RGS6: variants seen among roughly 807,000 people sequenced by gnomAD.
RGS6 encodes regulator of G-protein signaling 6.
A neutral mutation model predicts 78.5 loss-of-function variants in RGS6; 30 were observed. The observed-to-expected ratio is 0.38, with a 90% CI of 0.29 to 0.52. The LOEUF (loss-of-function observed/expected upper bound fraction) is 0.52, where lower values mean the gene tolerates loss of function less well. Ranked by LOEUF, RGS6 falls within the 20% of genes least tolerant of loss-of-function variation. The pLI is 0.85. For synonymous variants in RGS6, 206 were observed against 206.0 expected, an observed-to-expected ratio of 1.00 and a Z score of 0.00; for missense variants, 495 against 609.7, an observed-to-expected ratio of 0.81 and a Z score of 1.98.
intron 3 of RGS6, among the ~76,000 whole-genome samples, chr14:72,370,749 A>G (rs2083355549): frequency 6.6e-6 from 1 of 152,256 alleles, no homozygotes. Context: ...TCATGGTAAC[A>G]TGATTAAAAT....
At position 72,562,736 on chromosome 14, in the gene RGS6, G is replaced by T; in HGVS notation, c.*269G>T. 2 of 1,536,142 alleles carry T rather than the reference G, an allele frequency of 1.3e-6. No individual in the cohort carries two copies. The highest frequency in any genetic ancestry group is 1.7e-6 in the Non-Finnish European group (2 of 1,146,880). The stretch of plus-strand genomic sequence containing the variant: ...ACAGTTGTATTCCAACACTCCACTC[G>T]CTAAGAGGCCCTGATCCCAGCTCAT... On this transcript the variant is annotated 3_prime_UTR_variant, in exon 18 of 18. Coordinates refer to ENST00000553525, the MANE Select transcript of RGS6 (RefSeq NM_001204424.2).
At chr14:72,258,236 A>G (rs1002059396) in intron 2 of RGS6, among the ~76,000 whole-genome samples, 2 of 152,210 alleles carry the variant, frequency 1.3e-5, no homozygotes, top group African/African-American at 4.8e-5. Flanking sequence ...ATACACCACT[A>G]TACACCACTT....
the RGS6 span, among the ~76,000 whole-genome samples, chr14:71,906,489 C>T: frequency 1.3e-5 from 2 of 152,278 alleles, no homozygotes; most frequent in South Asian, 4.2e-4. Context: ...TAGGAGGGCC[C>T]GTTGCTGGTC....
chr14:72,320,301 G>A (rs907207077), intron 2 of RGS6, among the ~76,000 whole-genome samples: 1 of 152,198 alleles, frequency 6.6e-6, no homozygotes, highest in Admixed American at 6.5e-5. Context: ...ACTATTGGCT[G>A]GGCGTGGTGG....
chr14:72,541,703 A>G, intron 17 of RGS6: 1 of 1,442,174 alleles, frequency 6.9e-7, no homozygotes, highest in Non-Finnish European at 9.3e-7. Context: ...GATTTTGCTG[A>G]CAAGCCAAGG....
chr14:71,932,220 G>A (rs1447015544), upstream of RGS6, among the ~76,000 whole-genome samples: 1 of 152,084 alleles, frequency 6.6e-6, no homozygotes, highest in African/African-American at 2.4e-5. Flanking sequence ...CGCCTTCCGC[G>A]GCTCTGGGAA....
At chr14:72,423,641 A>G (rs768377063) in intron 3 of RGS6, among the ~76,000 whole-genome samples, 67 of 150,152 alleles carry the variant, frequency 4.5e-4, no homozygotes, top group Middle Eastern at 3.4e-3. Flanking sequence ...GGACACGAAG[A>G]TAATAGTAAC....
At chr14:72,317,314 TAAC>T (rs1265114304) in intron 2 of RGS6, among the ~76,000 whole-genome samples, 1 of 152,152 alleles carries the variant, frequency 6.6e-6, no homozygotes, top group African/African-American at 2.4e-5. Context: ...ATGAAATATA[TAAC>T]AACTGAGGTT....
intron 2 of RGS6, among the ~76,000 whole-genome samples, chr14:72,121,956 T>C (rs1048376011): frequency 1.3e-5 from 2 of 152,176 alleles, no homozygotes; most frequent in African/African-American, 4.8e-5. Flanking sequence ...GACAGGGTGC[T>C]ACTGGCATCT....
chr14:71,972,344 G>GT (rs10700484), intron 2 of RGS6, among the ~76,000 whole-genome samples: 80,608 of 149,108 alleles, frequency 0.54, 21,786 homozygotes, highest in East Asian at 0.76. Context: ...GTTTCTGAGT[G>GT]TTTTTTTTTT....
intron 2 of RGS6, among the ~76,000 whole-genome samples, chr14:72,208,071 G>A (rs1042324739): frequency 3.9e-5 from 6 of 152,166 alleles, no homozygotes; most frequent in Admixed American, 1.3e-4. Context: ...CTGCTCTAGG[G>A]GTTGCTAAGG....
intron 15 of RGS6, among the ~76,000 whole-genome samples, chr14:72,532,106 G>T (rs2097189527): frequency 6.6e-6 from 1 of 152,188 alleles, no homozygotes; most frequent in Non-Finnish European, 1.5e-5. Flanking sequence ...CAAATTGAAG[G>T]TTTGTGGCAA....
At chr14:72,271,457 A>C (rs1417098129) in intron 2 of RGS6, among the ~76,000 whole-genome samples, 1 of 152,196 alleles carries the variant, frequency 6.6e-6, no homozygotes, top group African/African-American at 2.4e-5. Context: ...CATGGGAATT[A>C]TGGGAGCTAC....
chr14:71,919,126 A>G, the RGS6 span, among the ~76,000 whole-genome samples: 1 of 152,188 alleles, frequency 6.6e-6, no homozygotes, highest in Non-Finnish European at 1.5e-5. Flanking sequence ...ACTCCAAATA[A>G]GGAGTCAATT....
intron 2 of RGS6, among the ~76,000 whole-genome samples, chr14:72,091,566 T>C (rs767947733): frequency 4.6e-5 from 7 of 152,210 alleles, no homozygotes; most frequent in Non-Finnish European, 8.8e-5. Flanking sequence ...CTTTTAAATA[T>C]ATTGGAATCC....
At chr14:72,285,147 A>G (rs575229047) in intron 2 of RGS6, among the ~76,000 whole-genome samples, 4 of 152,192 alleles carry the variant, frequency 2.6e-5, no homozygotes, top group Admixed American at 6.5e-5. Context: ...TTTTGAGTTA[A>G]TCCTGAAATG....
intron 2 of RGS6, among the ~76,000 whole-genome samples, chr14:72,238,485 C>G (rs540681607): frequency 4.6e-5 from 7 of 152,312 alleles, no homozygotes; most frequent in Admixed American, 3.3e-4. Context: ...TCCCCCCAAG[C>G]ATTGCTCTGT....
the RGS6 span, among the ~76,000 whole-genome samples, chr14:71,869,627 C>T: frequency 1.3e-5 from 2 of 152,090 alleles, no homozygotes; most frequent in African/African-American, 2.4e-5. Flanking sequence ...GACAGAAAAC[C>T]CATTATAGCT....
intron 2 of RGS6, among the ~76,000 whole-genome samples, chr14:71,969,807 G>T (rs1287538160): frequency 6.6e-6 from 1 of 152,178 alleles, no homozygotes; most frequent in East Asian, 1.9e-4. Flanking sequence ...GTCTAAAAAT[G>T]TACAAATACC....
Sources: allele counts gnomAD v4.1 joint callset (sites outside exome capture counted in the v4.1 genomes callset), GRCh38; gene constraint gnomAD v4.1.1; transcripts MANE v1.5; gene names NCBI Gene and HGNC (gene_info 2026-07-23, HGNC 2026-07-21).